Variants in JAM3 observed in about 807,000 individuals in gnomAD.
JAM3 encodes the protein junctional adhesion molecule C.
In JAM3, 31 loss-of-function variants were observed where a neutral mutation model predicts 39.4. That is an observed-to-expected ratio of 0.79 (90% CI 0.59 to 1.06). The LOEUF (loss-of-function observed/expected upper bound fraction) is 1.06, where lower values mean the gene tolerates loss of function less well. JAM3 is among the 50% of genes least tolerant of loss of function. The pLI is 0.00. For synonymous variants in JAM3, 182 were observed against 148.7 expected, an observed-to-expected ratio of 1.22 and a Z score of -1.63; for missense variants, 455 against 391.4, an observed-to-expected ratio of 1.16 and a Z score of -1.37.
chr11:134,148,812 C>A lies in JAM3; in HGVS notation c.891C>A (p.Asp297Glu), dbSNP rs150992119. 6.1e-5 allele frequency: 99 copies of A among 1,613,996 alleles called. 1 individual carries two copies. The South Asian group carries it at 1.0e-3, about 16-fold the overall frequency. ...ATGGAGTTAACTACATCCGCACTGACGAGGAGGTAATCATTTAGTAAACCT... is the reference window on the plus strand; with the variant it reads ...ATGGAGTTAACTACATCCGCACTGAAGAGGAGGTAATCATTTAGTAAACCT... ...KPDGVNYIRT[D>E]EEGDFRHKSS... The change falls in exon 8 of 9, where the codon GAC becomes GAA. Residue 297 changes from aspartate to glutamate, a missense_variant. Physicochemically the swap from Asp to Glu is conservative, Grantham distance 45 (BLOSUM62 2). Transcript: ENST00000299106.
intron 3 of JAM3, 54 bp downstream of exon 3, chr11:134,140,824 GGTA>G: frequency 6.4e-7 from 1 of 1,572,258 alleles, no homozygotes; most frequent in Non-Finnish European, 8.6e-7. Flanking sequence ...CATAGACCTG[GGTA>G]TACACTCTTG....
chr11:134,115,749 T>C (rs761153100), intron 1 of JAM3, among the ~76,000 whole-genome samples: 4 of 151,248 alleles, frequency 2.6e-5, no homozygotes, highest in Non-Finnish European at 5.9e-5. Context: ...AAAAAAAAAT[T>C]AGCAAGGCAT....
Position 134,146,419 on chromosome 11 carries a change from G to A in JAM3, c.712+374G>A, listed in dbSNP as rs559403446. 6.5e-3 allele frequency among the ~76,000 whole-genome samples: 989 copies of A among 151,724 alleles called. 6 individuals carry two copies. The highest frequency in any genetic ancestry group is 0.023 in the African/African-American group (930 of 41,252). ...CTCTTGTAGAAAACTGACAGTTTTA[G>A]CCCGAGTAATTTTACCTGCAGACAA... On this transcript the variant is annotated intron_variant, in intron 6 of 8. Transcript: ENST00000299106.
chr11:134,092,791 G>T (rs1436616295), intron 1 of JAM3, among the ~76,000 whole-genome samples: 1 of 131,878 alleles, frequency 7.6e-6, no homozygotes, highest in Non-Finnish European at 1.6e-5. Context: ...TATTCATCAT[G>T]TTCCATCTTA....
chr11:134,074,278 TTGTC>T (rs1339727486), intron 1 of JAM3, among the ~76,000 whole-genome samples: 4 of 152,228 alleles, frequency 2.6e-5, no homozygotes, highest in Admixed American at 6.5e-5. Flanking sequence ...TTGTATTCCT[TTGTC>T]TGTTTTCCAA....
At chr11:134,140,508 C>T in intron 2 of JAM3, 149 bp from the exon 3 acceptor site, 1 of 681,882 alleles carries the variant, frequency 1.5e-6, no homozygotes, top group East Asian at 2.8e-5. Context: ...GCAAAAAATC[C>T]TTTCTCAAAG....
rs1404059766 is a variant in JAM3 at position 134,150,935 on chromosome 11, A to C, written c.*1754A>C. On this transcript the variant is annotated 3_prime_UTR_variant, in exon 9 of 9. Transcript: ENST00000299106. ...AATCAAAAGCAGTTTTCTAATTTTG[A>C]CTTTAAATTTTTCATCCGCCGGAGA... 6 of 152,120 alleles carry C rather than the reference A, an allele frequency of 3.9e-5. No homozygotes were observed. The allele number at this position is 152,120 out of a possible 1,614,324, so 9.4% of individuals were successfully genotyped here.
chr11:134,145,114 T>C, intron 5 of JAM3, 120 bp downstream of exon 5: 1 of 837,306 alleles, frequency 1.2e-6, no homozygotes, highest in South Asian at 1.4e-5. Flanking sequence ...GTCAAAAATC[T>C]AGAATGTTAG....
At chr11:134,112,750 C>T (rs1477988555) in intron 1 of JAM3, among the ~76,000 whole-genome samples, 1 of 152,150 alleles carries the variant, frequency 6.6e-6, no homozygotes, top group Non-Finnish European at 1.5e-5. Flanking sequence ...ACTCAAGTAG[C>T]AACTCCAGAG....
intron 1 of JAM3, among the ~76,000 whole-genome samples, chr11:134,083,289 C>G (rs549726956): frequency 6.6e-6 from 1 of 151,980 alleles, no homozygotes; most frequent in Non-Finnish European, 1.5e-5. Context: ...CAGATCGCTC[C>G]CTCCCTTTCC....
chr11:134,110,836 CT>C (rs1259169804), intron 1 of JAM3, among the ~76,000 whole-genome samples: 1 of 152,050 alleles, frequency 6.6e-6, no homozygotes, highest in African/African-American at 2.4e-5. Flanking sequence ...AATATGTGCA[CT>C]TTATATGTCA....
intron 1 of JAM3, among the ~76,000 whole-genome samples, chr11:134,117,655 A>T (rs891285102): frequency 6.6e-6 from 1 of 152,168 alleles, no homozygotes; most frequent in African/African-American, 2.4e-5. Flanking sequence ...CAGCTTGAAT[A>T]TGTTTCCTCT....
At chr11:134,094,482 TC>T (rs1361713862) in intron 1 of JAM3, among the ~76,000 whole-genome samples, 2 of 146,658 alleles carry the variant, frequency 1.4e-5, no homozygotes, top group Non-Finnish European at 3.0e-5. Flanking sequence ...ACATGTGACT[TC>T]CTGAGGGAAA....
Position 134,094,061 on chromosome 11 carries a change from C to T in JAM3, c.76+24902C>T, listed in dbSNP as rs376788083. Among the ~76,000 whole-genome samples the T allele has an allele frequency of 3.1e-5, 4 of 127,412 alleles. No individual in the cohort carries two copies. The East Asian group carries it at 1.1e-3, about 35-fold the overall frequency. The allele number at this position is 127,412 out of a possible 152,430, so 83.6% of individuals were successfully genotyped here. A position where few individuals can be genotyped will look rare whatever the true frequency, so the allele number is the denominator to read the frequency against. ...TCCTGAGGGAAGCTTCTCCTGAACCCTCCTTATTCATCATGTTCCACCTTA... is the reference window on the plus strand; with the variant it reads ...TCCTGAGGGAAGCTTCTCCTGAACCTTCCTTATTCATCATGTTCCACCTTA... On this transcript the variant is annotated intron_variant, in intron 1 of 8. Coordinates refer to ENST00000299106, the MANE Select transcript of JAM3 (RefSeq NM_032801.5).
At chr11:134,129,584 A>C (rs1009715425) in intron 1 of JAM3, among the ~76,000 whole-genome samples, 8 of 152,242 alleles carry the variant, frequency 5.3e-5, no homozygotes, top group Non-Finnish European at 1.2e-4. Context: ...TAGAATAATG[A>C]TAATAAATGG....
At chr11:134,137,701 T>C (rs542025992) in intron 1 of JAM3, among the ~76,000 whole-genome samples, 24 of 149,590 alleles carry the variant, frequency 1.6e-4, no homozygotes, top group African/African-American at 5.4e-4. Context: ...AGAGAAATGT[T>C]TATGGCCAGT....
At chr11:134,115,358 G>C (rs901897501) in intron 1 of JAM3, among the ~76,000 whole-genome samples, 1 of 152,118 alleles carries the variant, frequency 6.6e-6, no homozygotes, top group East Asian at 1.9e-4. Flanking sequence ...TTTACATTGC[G>C]TTTACTGATA....
intron 3 of JAM3, among the ~76,000 whole-genome samples, chr11:134,143,305 G>T (rs771229158): frequency 2.6e-5 from 4 of 152,180 alleles, no homozygotes; most frequent in African/African-American, 4.8e-5. Context: ...GCGTCTTGTG[G>T]ATTTGATTTG....
intron 6 of JAM3, among the ~76,000 whole-genome samples, 191 bp downstream of exon 6, chr11:134,146,236 T>G (rs1370598696): frequency 6.6e-6 from 1 of 152,108 alleles, no homozygotes; most frequent in South Asian, 2.1e-4. Flanking sequence ...GATAAGCAGG[T>G]CCTCAAAACA....
Sources: allele counts gnomAD v4.1 joint callset (sites outside exome capture counted in the v4.1 genomes callset), GRCh38; gene constraint gnomAD v4.1.1; transcripts MANE v1.5; gene names NCBI Gene and HGNC (gene_info 2026-07-23, HGNC 2026-07-21).